Variants in ADGRL3 observed in about 807,000 individuals in gnomAD.
ADGRL3 encodes the protein calcium-independent alpha-latrotoxin receptor 3.
Under a neutral mutation model 153.5 loss-of-function variants are expected in ADGRL3, and 62 were observed. The observed-to-expected ratio is 0.40, with a 90% CI of 0.33 to 0.50. ADGRL3 has a LOEUF of 0.50. ADGRL3 is among the 20% of genes least tolerant of loss of function. The pLI is 0.47. For missense variants in ADGRL3, 1,641 were observed against 1,859.4 expected, an observed-to-expected ratio of 0.88 and a Z score of 2.16; for synonymous variants, 710 against 672.5, an observed-to-expected ratio of 1.06 and a Z score of -0.86.
chr4:61,694,775 A>T (rs947113322), intron 6 of ADGRL3, among the ~76,000 whole-genome samples: 1 of 152,234 alleles, frequency 6.6e-6, no homozygotes, highest in African/African-American at 2.4e-5. Context: ...CCCACAGAAG[A>T]ACTGTCAAAA....
intron 4 of ADGRL3, among the ~76,000 whole-genome samples, chr4:61,573,726 G>C (rs769730892): frequency 2.4e-4 from 36 of 151,834 alleles, no homozygotes; most frequent in Non-Finnish European, 4.9e-4. Flanking sequence ...TAAATATAAA[G>C]AATGAAATGA....
At chr4:61,657,412 A>C (rs1030359286) in intron 5 of ADGRL3, among the ~76,000 whole-genome samples, 1 of 151,778 alleles carries the variant, frequency 6.6e-6, no homozygotes, top group African/African-American at 2.4e-5. Flanking sequence ...GCCTTAGGTA[A>C]ATAAATGTTT....
rs1234193188 is a variant in ADGRL3 at position 61,774,410 on chromosome 4, A to AAAAAAATAAAAAT, written c.1400-39389_1400-39377dup. Among the ~76,000 whole-genome samples the AAAAAAATAAAAAT allele has an allele frequency of 1.6e-4, 25 of 151,812 alleles. 3 individuals carry two copies. Among genetic ancestry groups the AAAAAAATAAAAAT allele is most frequent in the African/African-American group, 5.8e-4 (24 of 41,508 alleles). On this transcript the variant is annotated intron_variant, in intron 8 of 26. Transcript: ENST00000683033. The stretch of plus-strand genomic sequence containing the variant: ...AAAATTCAGGAAAGGGAAACATAAA[A>AAAAAAATAAAAAT]AAAAAATAAAAATAAAAAATAATAC...
chr4:61,847,451 C>G (rs2098130079), intron 9 of ADGRL3, among the ~76,000 whole-genome samples: 1 of 148,684 alleles, frequency 6.7e-6, no homozygotes, highest in African/African-American at 2.5e-5. Flanking sequence ...GTCTGCAAAC[C>G]TAAGGGGCAG....
chr4:61,355,818 A>T (rs2151402121), intron 1 of ADGRL3, among the ~76,000 whole-genome samples: 1 of 152,204 alleles, frequency 6.6e-6, no homozygotes, highest in East Asian at 1.9e-4. Flanking sequence ...GTGTTGAATA[A>T]ATGGATGAAG....
chr4:61,336,221 T>C (rs1322231099), intron 1 of ADGRL3, among the ~76,000 whole-genome samples: 1 of 152,210 alleles, frequency 6.6e-6, no homozygotes, highest in East Asian at 1.9e-4. Flanking sequence ...TTTCAAGTTG[T>C]CAGGTTCAAA....
intron 5 of ADGRL3, among the ~76,000 whole-genome samples, chr4:61,628,545 G>C (rs1386341914): frequency 6.6e-6 from 1 of 152,144 alleles, no homozygotes; most frequent in Non-Finnish European, 1.5e-5. Context: ...CTAATGACAA[G>C]TTTAATTTAA....
intron 9 of ADGRL3, among the ~76,000 whole-genome samples, chr4:61,844,575 A>AAAAAAAAAAT (rs1554045137): frequency 5.5e-5 from 1 of 18,096 alleles, no homozygotes; most frequent in African/African-American, 2.6e-4. Flanking sequence ...AAAAAAAAAA[A>AAAAAAAAAAT]ATATATATAT....
At chr4:61,394,593 A>G (rs1360980952) in intron 2 of ADGRL3, among the ~76,000 whole-genome samples, 8 of 152,040 alleles carry the variant, frequency 5.3e-5, no homozygotes, top group Non-Finnish European at 1.2e-4. Context: ...AAAATTACGT[A>G]TCTTCCCTAT....
chr4:61,541,647 C>G (rs1196049520), intron 4 of ADGRL3, among the ~76,000 whole-genome samples: 1 of 152,020 alleles, frequency 6.6e-6, no homozygotes, highest in Non-Finnish European at 1.5e-5. Context: ...AGCTTGGTTA[C>G]CTGGACAGCA....
rs941671166 is a variant in ADGRL3, at chr4:61,629,254, A to G, written c.473+41814A>G. On this transcript the variant is annotated intron_variant, in intron 5 of 26. Coordinates refer to ENST00000683033, the MANE Select transcript of ADGRL3 (RefSeq NM_001387552.1). ...TGATACTATTAGAAATCAGTAGAGA[A>G]AAATGTTTATCTTCTTGGCAATGTA... Among the ~76,000 whole-genome samples, 3 of 152,268 alleles carry G rather than the reference A, an allele frequency of 2.0e-5. No homozygotes were observed. The East Asian group carries it at 5.8e-4, about 29-fold the overall frequency.
chr4:61,844,988 A>C, intron 9 of ADGRL3, among the ~76,000 whole-genome samples: 1 of 152,218 alleles, frequency 6.6e-6, no homozygotes, highest in African/African-American at 2.4e-5. Context: ...ATATTAAGAA[A>C]GAAAATAGAA....
At chr4:61,457,546 T>C (rs577022922) in intron 2 of ADGRL3, among the ~76,000 whole-genome samples, 2 of 151,954 alleles carry the variant, frequency 1.3e-5, no homozygotes, top group Non-Finnish European at 2.9e-5. Flanking sequence ...AAATTACATA[T>C]TGTTAAATAA....
chr4:61,294,518 G>A (rs1435162905), intron 1 of ADGRL3, among the ~76,000 whole-genome samples: 1 of 152,032 alleles, frequency 6.6e-6, no homozygotes, highest in Non-Finnish European at 1.5e-5. Context: ...ATTATAAGTC[G>A]AGGACTATCT....
chr4:61,759,405 G>A (rs987978591), intron 8 of ADGRL3, among the ~76,000 whole-genome samples: 4 of 151,854 alleles, frequency 2.6e-5, no homozygotes, highest in Admixed American at 6.6e-5. Context: ...TTCCCTTCTC[G>A]CTTCATTTCA....
chr4:61,458,323 A>T (rs1406879580), intron 2 of ADGRL3, among the ~76,000 whole-genome samples: 1 of 151,410 alleles, frequency 6.6e-6, no homozygotes, highest in Non-Finnish European at 1.5e-5. Context: ...ATGTCAGCTA[A>T]ATGGGTTATT....
chr4:61,798,999 G>GTAGATA (rs2097450940), intron 8 of ADGRL3, among the ~76,000 whole-genome samples: 1 of 80,748 alleles, frequency 1.2e-5, no homozygotes, highest in Non-Finnish European at 2.4e-5. Context: ...TATATAAACA[G>GTAGATA]TATATATATA....
At chr4:61,696,670 C>CTTTTTTTTTTTTTTTTT (rs34306284) in intron 6 of ADGRL3, among the ~76,000 whole-genome samples, 4 of 102,016 alleles carry the variant, frequency 3.9e-5, no homozygotes, top group African/African-American at 7.9e-5. Context: ...TTTTTTTAAC[C>CTTTTTTTTTTTTTTTTT]TTTTTTTTTT....
At chr4:61,633,962 T>C (rs2093302084) in intron 5 of ADGRL3, among the ~76,000 whole-genome samples, 1 of 145,858 alleles carries the variant, frequency 6.9e-6, no homozygotes, top group South Asian at 2.3e-4. Flanking sequence ...ATATACATAG[T>C]GGGTGTTGGA....
Sources: gnomAD v4.1 joint callset for allele counts (sites outside exome capture counted in the v4.1 genomes callset) on GRCh38, gnomAD v4.1.1 for gene constraint, MANE v1.5 for transcripts, NCBI Gene and HGNC (gene_info 2026-07-23, HGNC 2026-07-21) for gene names.